CDH8: variants seen among roughly 807,000 people sequenced by gnomAD.
The protein encoded by CDH8 is cadherin 8.
CDH8 carries 17 observed loss-of-function variants against 68.1 expected under a neutral mutation model. The observed-to-expected ratio is 0.25, with a 90% CI of 0.17 to 0.37. The LOEUF is 0.37. CDH8 is among the 10% of genes least tolerant of loss of function. CDH8 has a pLI of 1.00. For synonymous variants in CDH8, 372 were observed against 365.1 expected (o/e 1.02, Z -0.21); for missense variants, 763 against 999.3 (o/e 0.76, Z 3.19).
intron 1 of CDH8, chr16:62,032,039 T>TAATA (rs1481882603): frequency 1.3e-5 from 2 of 152,228 alleles, no homozygotes; most frequent in East Asian, 3.8e-4. Flanking sequence ...GAGAAAGCAC[T>TAATA]AATAGCCCTT....
chr16:61,655,126 G>A (rs942710706), intron 11 of CDH8, among the ~76,000 whole-genome samples: 11 of 152,160 alleles, frequency 7.2e-5, no homozygotes, highest in Non-Finnish European at 1.3e-4. Flanking sequence ...GCCTGCTGTT[G>A]CAGTGAACTG....
At chr16:61,704,873 C>T (rs1964500506) in intron 10 of CDH8, among the ~76,000 whole-genome samples, 1 of 152,144 alleles carries the variant, frequency 6.6e-6, no homozygotes, top group African/African-American at 2.4e-5. Flanking sequence ...AGAAGTAAAT[C>T]ACAGTGTGAC....
At chr16:61,692,370 A>C (rs1204911912) in intron 10 of CDH8, 1 of 152,182 alleles carries the variant, frequency 6.6e-6, no homozygotes, top group Non-Finnish European at 1.5e-5. Context: ...ATCTAGCTGT[A>C]TAAAAATGTC....
chr16:61,889,484 G>C (rs942037724), intron 3 of CDH8, among the ~76,000 whole-genome samples: 2 of 152,130 alleles, frequency 1.3e-5, no homozygotes, highest in African/African-American at 4.8e-5. Context: ...CTGAGGAAGC[G>C]AGGCATACAC....
chr16:61,893,223 T>C (rs1963808041), intron 3 of CDH8, among the ~76,000 whole-genome samples: 1 of 152,098 alleles, frequency 6.6e-6, no homozygotes, highest in Admixed American at 6.6e-5. Context: ...AGTCTGTATC[T>C]TTCCACAGCC....
intron 10 of CDH8, among the ~76,000 whole-genome samples, chr16:61,679,096 C>G (rs1338623354): frequency 6.6e-6 from 1 of 151,980 alleles, no homozygotes; most frequent in African/African-American, 2.4e-5. Flanking sequence ...GAAATGTGAA[C>G]AGAAGTGACG....
At chr16:61,679,925 A>G (rs1362129749) in intron 10 of CDH8, among the ~76,000 whole-genome samples, 1 of 151,934 alleles carries the variant, frequency 6.6e-6, no homozygotes, top group Non-Finnish European at 1.5e-5. Context: ...TCCTCATTGT[A>G]TTGTATGGAT....
chr16:61,742,184 CA>C (rs2142926461), intron 8 of CDH8, among the ~76,000 whole-genome samples: 1 of 152,134 alleles, frequency 6.6e-6, no homozygotes, highest in South Asian at 2.1e-4. Flanking sequence ...TGGTAGAAAA[CA>C]AAATGCAGTA....
intron 8 of CDH8, among the ~76,000 whole-genome samples, chr16:61,768,369 C>CTCTCTCTCTCTCT (rs1567461189): frequency 3.0e-4 from 7 of 23,542 alleles, no homozygotes; most frequent in South Asian, 2.2e-3. Flanking sequence ...TCTCTCTCTC[C>CTCTCTCTCTCTCT]CTTTCTCTCT....
intron 1 of CDH8, among the ~76,000 whole-genome samples, chr16:62,028,750 A>C (rs934321300): frequency 6.6e-6 from 1 of 152,098 alleles, no homozygotes; most frequent in African/African-American, 2.4e-5. Context: ...AAAAAAAAAA[A>C]AACGAGTATC....
chr16:61,653,462 G>C lies in CDH8; in HGVS notation c.*146C>G, dbSNP rs75581194. 2.0e-5 allele frequency: 28 copies of C among 1,429,348 alleles called. No individual in the cohort carries two copies. The highest frequency in any genetic ancestry group is 2.6e-5 in the Non-Finnish European group (28 of 1,091,270). The allele number at this position is 1,429,348 out of a possible 1,614,324, so 88.5% of individuals were successfully genotyped here. ...TTTTTTATTTTATTATCTTTTTTTG[G>C]TTCAACATTAAAATGTGGTTGAGTT... On this transcript the variant is annotated 3_prime_UTR_variant, in exon 12 of 12. Transcript: ENST00000577390.
chr16:61,893,387 C>A (rs1256138865), intron 3 of CDH8, among the ~76,000 whole-genome samples: 3 of 151,536 alleles, frequency 2.0e-5, no homozygotes, highest in East Asian at 1.9e-4. Flanking sequence ...GCTATCCAAC[C>A]CAGTACAGGT....
At chr16:61,655,998 G>C (rs943741004) in intron 10 of CDH8, among the ~76,000 whole-genome samples, 1 of 151,086 alleles carries the variant, frequency 6.6e-6, no homozygotes, top group Non-Finnish European at 1.5e-5. Context: ...TCAGCCTCCC[G>C]AGCAGCTGGG....
chr16:61,873,152 C>T (rs1036708901), intron 3 of CDH8, among the ~76,000 whole-genome samples: 2 of 151,922 alleles, frequency 1.3e-5, no homozygotes, highest in Non-Finnish European at 2.9e-5. Flanking sequence ...TGTTCGTATT[C>T]GTAGAAATGA....
chr16:61,695,150 T>C (rs1031168974), intron 10 of CDH8, among the ~76,000 whole-genome samples: 31 of 151,972 alleles, frequency 2.0e-4, no homozygotes, highest in Non-Finnish European at 3.5e-4. Flanking sequence ...AATGGAACCA[T>C]TGGAGTCCGA....
chr16:61,981,392 G>A (rs1323225779), intron 2 of CDH8, among the ~76,000 whole-genome samples: 1 of 152,070 alleles, frequency 6.6e-6, no homozygotes, highest in Non-Finnish European at 1.5e-5. Context: ...CTCTCAAGAA[G>A]GCTTATATTT....
At chr16:61,842,937 G>A (rs993343833) in intron 4 of CDH8, among the ~76,000 whole-genome samples, 1 of 152,072 alleles carries the variant, frequency 6.6e-6, no homozygotes, top group African/African-American at 2.4e-5. Context: ...ACAGGTGTTG[G>A]CAGTCAGCAC....
chr16:61,824,887 A>T (rs1464430231), intron 5 of CDH8, 125 bp downstream of exon 5: 1 of 756,980 alleles, frequency 1.3e-6, no homozygotes, highest in East Asian at 2.7e-5. Flanking sequence ...ATCATGCCAT[A>T]CCTGGCACAT....
At chr16:61,831,380 G>A (rs564063704) in intron 4 of CDH8, among the ~76,000 whole-genome samples, 5 of 151,800 alleles carry the variant, frequency 3.3e-5, no homozygotes, top group South Asian at 2.1e-4. Context: ...GAATAGACTC[G>A]TGTTTGATTC....
Sources: gnomAD v4.1 joint callset for allele counts (sites outside exome capture counted in the v4.1 genomes callset) on GRCh38, gnomAD v4.1.1 for gene constraint, MANE v1.5 for transcripts, NCBI Gene and HGNC (gene_info 2026-07-23, HGNC 2026-07-21) for gene names.